ABCA5: variants seen among roughly 807,000 people sequenced by gnomAD.
ABCA5 encodes the protein cholesterol transporter ABCA5.
ABCA5 carries 163 observed loss-of-function variants against 206.0 expected under a neutral mutation model. The ratio of observed to expected loss-of-function variants is 0.79; its 90% CI spans 0.70 to 0.90. The LOEUF is 0.90. Among genes scored for constraint, ABCA5 ranks in the 40% least tolerant of loss-of-function variants. ABCA5 has a pLI of 0.00. For synonymous variants in ABCA5, 609 were observed against 613.8 expected, an observed-to-expected ratio of 0.99 and a Z score of 0.11; for missense variants, 1,859 against 1,912.9, an observed-to-expected ratio of 0.97 and a Z score of 0.53.
At chr17:69,270,368 AAT>A (rs904131357) in intron 22 of ABCA5, among the ~76,000 whole-genome samples, 1 of 152,080 alleles carries the variant, frequency 6.6e-6, no homozygotes, top group Non-Finnish European at 1.5e-5. Context: ...TTCTATGATC[AAT>A]ATAGAACACA....
chr17:69,295,543 T>G (rs1020770126), intron 10 of ABCA5, among the ~76,000 whole-genome samples: 2 of 152,172 alleles, frequency 1.3e-5, no homozygotes, highest in Non-Finnish European at 2.9e-5. Flanking sequence ...TGCTACAAAA[T>G]TATTGCAGTG....
chr17:69,301,288 T>C lies in ABCA5; in HGVS notation c.1120-2A>G. On this transcript the variant is annotated splice_acceptor_variant, in intron 8 of 38. Coordinates refer to ENST00000392676, the MANE Select transcript of ABCA5 (RefSeq NM_172232.4). LOFTEE classifies it high-confidence loss of function. Reference sequence around the variant, plus strand: ...ATTAAAATCTTCTAAATGCATGACCTGAAAAATACAAACACTAACTTTATT... The same window carrying C: ...ATTAAAATCTTCTAAATGCATGACCCGAAAAATACAAACACTAACTTTATT... 1.9e-6 allele frequency: 3 copies of C among 1,585,702 alleles called. 1 individual carries two copies. The South Asian group carries it at 3.5e-5, about 19-fold the overall frequency.
intron 33 of ABCA5, 37 bp downstream of exon 33, chr17:69,253,757 A>G (rs769491093): frequency 1.9e-6 from 3 of 1,590,390 alleles, no homozygotes; most frequent in Non-Finnish European, 2.6e-6. Context: ...AACTATCAAT[A>G]AAAATACAGG....
chr17:69,250,566 C>T lies in ABCA5; in HGVS notation c.4591G>A (p.Glu1531Lys). 6.2e-7 allele frequency: 1 copy of T among 1,601,958 alleles called. No homozygotes were observed. Among genetic ancestry groups the T allele is most frequent in the Non-Finnish European group, 8.5e-7 (1 of 1,175,984 alleles). ...KSKFGKGYFL[E>K]IKLKDWIENL... Reference sequence around the variant, plus strand: ...TCTATCCAGTCCTTCAATTTAATTTCCAAAAAGTAGCCTTTTCCAAATTTA... The same window carrying T: ...TCTATCCAGTCCTTCAATTTAATTTTCAAAAAGTAGCCTTTTCCAAATTTA... Residue 1531 changes from glutamate (E) to lysine (K), a missense_variant, in exon 36 of 39, where the codon GAA (glutamate) becomes AAA (lysine). Glu to Lys is a moderately conservative substitution (Grantham distance 56, BLOSUM62 1). Transcript: ENST00000392676.
chr17:69,313,221 C>A lies in ABCA5; in HGVS notation c.178G>T (p.Glu60Ter). 4.5e-6 allele frequency: 7 copies of A among 1,538,522 alleles called. No individual in the cohort carries two copies. The highest frequency in any genetic ancestry group is 6.3e-6 in the Non-Finnish European group (7 of 1,113,916). ...GGATTGAGTTCTATATTAGGCACTT[C>A]TTCATATTTCTTATTTGGATGCATC... ...SMMHPNKKYE[E>*]VPNIELNPMD... Residue 60 changes from glutamate to a stop codon, truncating the protein, a stop_gained, in exon 3 of 39, where the codon GAA becomes TAA. Transcript: ENST00000392676. LOFTEE classifies it high-confidence loss of function.
At chr17:69,270,784 G>A in intron 21 of ABCA5, 34 bp from the exon 22 acceptor site, 1 of 1,476,140 alleles carries the variant, frequency 6.8e-7, no homozygotes, top group Non-Finnish European at 9.0e-7. Flanking sequence ...ATTACATACT[G>A]TATATAAGCG....
intron 1 of ABCA5, among the ~76,000 whole-genome samples, chr17:69,321,513 GGAA>G (rs1436129312): frequency 6.6e-6 from 1 of 152,086 alleles, no homozygotes; most frequent in Non-Finnish European, 1.5e-5. Flanking sequence ...GATGGTTTTT[GGAA>G]GAATAAGAGA....
intron 1 of ABCA5, among the ~76,000 whole-genome samples, chr17:69,316,699 A>C (rs553206288): frequency 6.6e-6 from 1 of 152,306 alleles, no homozygotes; most frequent in African/African-American, 2.4e-5. Flanking sequence ...AGAAAACATA[A>C]AGAAAATCCA....
intron 1 of ABCA5, among the ~76,000 whole-genome samples, chr17:69,324,354 T>C (rs936450502): frequency 3.3e-5 from 5 of 152,188 alleles, no homozygotes; most frequent in African/African-American, 9.7e-5. Context: ...GCTTGACTTT[T>C]GTGAAGAACA....
intron 23 of ABCA5, 55 bp downstream of exon 23, chr17:69,267,885 GTTA>G: frequency 1.1e-6 from 1 of 936,950 alleles, no homozygotes; most frequent in East Asian, 2.5e-5. Context: ...AAGCAAATAG[GTTA>G]TTTTTATATG....
chr17:69,251,950 T>C, intron 34 of ABCA5, 84 bp from the exon 35 acceptor site: 1 of 1,418,278 alleles, frequency 7.1e-7, no homozygotes, highest in South Asian at 1.3e-5. Context: ...AACCGGTTGG[T>C]TAATTAAGTT....
At chr17:69,251,603 C>T (rs1568087465) in intron 35 of ABCA5, 144 bp downstream of exon 35, 1 of 1,114,710 alleles carries the variant, frequency 9.0e-7, no homozygotes, top group East Asian at 2.8e-5. Context: ...CAACATACTT[C>T]CAAGTCAATC....
chr17:69,277,009 TAAC>T (rs1252059751), intron 19 of ABCA5, among the ~76,000 whole-genome samples: 17 of 152,290 alleles, frequency 1.1e-4, no homozygotes, highest in African/African-American at 4.1e-4. Context: ...ATTTTGGACT[TAAC>T]AAGATAGGTG....
intron 24 of ABCA5, among the ~76,000 whole-genome samples, chr17:69,262,984 T>C (rs1567754906): frequency 6.6e-6 from 1 of 152,214 alleles, no homozygotes; most frequent in Non-Finnish European, 1.5e-5. Context: ...TCTCTGATGA[T>C]TAGTGATGTA....
intron 19 of ABCA5, among the ~76,000 whole-genome samples, chr17:69,277,268 T>C (rs189725687): frequency 3.9e-5 from 6 of 152,016 alleles, no homozygotes; most frequent in Admixed American, 3.3e-4. Context: ...AGCGAAAAAA[T>C]AGAAACGCAA....
At chr17:69,249,760 T>G (rs1022893404) in intron 37 of ABCA5, 145 bp downstream of exon 37, 5 of 1,139,138 alleles carry the variant, frequency 4.4e-6, no homozygotes, top group Non-Finnish European at 4.9e-6. Context: ...TTTAAACTTT[T>G]TAAATAAAAT....
At chr17:69,312,138 A>C (rs889982826) in intron 3 of ABCA5, among the ~76,000 whole-genome samples, 1 of 152,172 alleles carries the variant, frequency 6.6e-6, no homozygotes, top group Non-Finnish European at 1.5e-5. Context: ...CATTTTCTAC[A>C]ATTTAGCACT....
intron 11 of ABCA5, 30 bp downstream of exon 11, chr17:69,294,625 T>C: frequency 6.4e-7 from 1 of 1,555,712 alleles, no homozygotes; most frequent in Non-Finnish European, 8.8e-7. Flanking sequence ...CTTTAAATAC[T>C]ATGGCCTGAA....
At chr17:69,280,331 G>A (rs1318469385) in intron 18 of ABCA5, among the ~76,000 whole-genome samples, 4 of 152,204 alleles carry the variant, frequency 2.6e-5, no homozygotes, top group South Asian at 2.1e-4. Context: ...AAACCATAAT[G>A]AGATACCATC....
Sources: gnomAD v4.1 joint callset for allele counts (sites outside exome capture counted in the v4.1 genomes callset) on GRCh38, gnomAD v4.1.1 for gene constraint, MANE v1.5 for transcripts, NCBI Gene and HGNC (gene_info 2026-07-23, HGNC 2026-07-21) for gene names.